The following PCDH15 variants were observed in gnomAD, a reference collection of about 807,000 sequenced individuals.
PCDH15 encodes the protein protocadherin-15.
A neutral mutation model predicts 178.5 loss-of-function variants in PCDH15; 129 were observed. The ratio of observed to expected loss-of-function variants is 0.72; its 90% CI spans 0.63 to 0.84. The LOEUF is 0.84. PCDH15 is among the 40% of genes least tolerant of loss of function. PCDH15 has a pLI of 0.00. For missense variants in PCDH15, 2,230 were observed against 2,099.9 expected, an observed-to-expected ratio of 1.06 and a Z score of -1.21; for synonymous variants, 800 against 732.0, an observed-to-expected ratio of 1.09 and a Z score of -1.50.
At chr10:55,481,496 A>G (rs191816054) in intron 2 of PCDH15, among the ~76,000 whole-genome samples, 170 of 151,546 alleles carry the variant, frequency 1.1e-3, no homozygotes, top group Middle Eastern at 6.8e-3. Flanking sequence ...CCTCTTAACA[A>G]TATCTTAACT....
chr10:54,582,535 C>G (rs1044077089), intron 2 of PCDH15, among the ~76,000 whole-genome samples: 7 of 152,026 alleles, frequency 4.6e-5, no homozygotes, highest in Non-Finnish European at 8.8e-5. Flanking sequence ...TATATGCAAA[C>G]AAAACGGTAG....
At chr10:54,066,632 T>G (rs1363670580) in intron 18 of PCDH15, 125 bp downstream of exon 18, 4 of 884,352 alleles carry the variant, frequency 4.5e-6, no homozygotes, top group Non-Finnish European at 6.9e-6. Flanking sequence ...TTTAAAGTCT[T>G]GAAGAATATC....
At chr10:54,953,161 G>A (rs374665748) in intron 2 of PCDH15, among the ~76,000 whole-genome samples, 1 of 151,354 alleles carries the variant, frequency 6.6e-6, no homozygotes, top group Admixed American at 6.6e-5. Context: ...TTATTTTGTA[G>A]ATGTTTTTTA....
chr10:55,498,445 T>C (rs1321386971), intron 2 of PCDH15, among the ~76,000 whole-genome samples: 1 of 151,874 alleles, frequency 6.6e-6, no homozygotes, highest in Non-Finnish European at 1.5e-5. Flanking sequence ...AATAAAAAAC[T>C]GTTCAAGTGA....
intron 3 of PCDH15, among the ~76,000 whole-genome samples, chr10:54,522,398 A>T (rs558696305): frequency 5.0e-4 from 76 of 152,340 alleles, no homozygotes; most frequent in African/African-American, 1.8e-3. Flanking sequence ...TCTTAAACTT[A>T]TCAGCATATT....
rs556547134 is a variant in PCDH15, at chr10:53,983,818, T to C, written c.2868+11831A>G. 2.6e-5 allele frequency among the ~76,000 whole-genome samples: 4 copies of C among 152,310 alleles called. No homozygotes were observed. The South Asian group carries it at 8.3e-4, about 32-fold the overall frequency. ...TAGAGATGAACCTTATCTGAGCTAG[T>C]AATTAGTGACCCTATATTCTATGCC... On this transcript the variant is annotated intron_variant, in intron 21 of 37. Transcript: ENST00000644397.
In PCDH15 at chr10:55,216,079, T is replaced by C. The variant is rs185401371; in HGVS notation, c.-155-49428A>G. Reference sequence around the variant, plus strand: ...GAATTTATCTGTGCCAATTTTTCCTTACATGTAAAATATATTAATGCTCAC... The same window carrying C: ...GAATTTATCTGTGCCAATTTTTCCTCACATGTAAAATATATTAATGCTCAC... On this transcript the variant is annotated intron_variant, in intron 1 of 5. Transcript: ENST00000458638. Among the ~76,000 whole-genome samples, 97 of 151,980 alleles carry C rather than the reference T, an allele frequency of 6.4e-4. 1 individual carries two copies. The highest frequency in any genetic ancestry group is 2.2e-3 in the African/African-American group (93 of 41,444).
chr10:54,905,355 C>T (rs949693080), intron 2 of PCDH15, among the ~76,000 whole-genome samples: 47 of 152,068 alleles, frequency 3.1e-4, no homozygotes, highest in African/African-American at 5.3e-4. Flanking sequence ...GTATTTATTT[C>T]GCTGAAATGT....
At position 54,004,396 on chromosome 10, in the gene PCDH15, T is replaced by TACAC. The variant is rs199816870; in HGVS notation, c.2752-8635_2752-8632dup. On this transcript the variant is annotated intron_variant, in intron 20 of 37. Coordinates refer to ENST00000644397, the MANE Select transcript of PCDH15 (RefSeq NM_001384140.1). ...CTAACACTTGGAAAAACCTAAAGAC[T>TACAC]ACACACACACACACACACACACACA... Among the ~76,000 whole-genome samples the TACAC allele has an allele frequency of 1.3e-3, 96 of 72,900 alleles. 1 individual carries two copies. The highest frequency in any genetic ancestry group is 9.8e-3 in the Admixed American group (80 of 8,130). 47.8% of individuals were successfully genotyped at this position (72,900 alleles called of 152,430 possible).
At chr10:55,077,460 C>CTTCCTTTCCTTCCTTCT (rs1564777378) in intron 2 of PCDH15, among the ~76,000 whole-genome samples, 4 of 141,628 alleles carry the variant, frequency 2.8e-5, no homozygotes, top group Admixed American at 7.2e-5. Context: ...CCCTTCCTTC[C>CTTCCTTTCCTTCCTTCT]TTCCTTTCCT....
At chr10:54,477,020 C>G (rs1315782818) in intron 3 of PCDH15, among the ~76,000 whole-genome samples, 1 of 152,068 alleles carries the variant, frequency 6.6e-6, no homozygotes, top group Non-Finnish European at 1.5e-5. Flanking sequence ...TTAATCCATT[C>G]TCCTTAGTGC....
At chr10:54,296,055 G>A (rs2059749265) in intron 8 of PCDH15, among the ~76,000 whole-genome samples, 1 of 145,514 alleles carries the variant, frequency 6.9e-6, no homozygotes, top group Admixed American at 7.0e-5. Flanking sequence ...TGAGGCAGGA[G>A]AATGGCGTGA....
intron 8 of PCDH15, among the ~76,000 whole-genome samples, chr10:54,238,421 T>C (rs1227996197): frequency 6.6e-6 from 1 of 152,028 alleles, no homozygotes; most frequent in Admixed American, 6.6e-5. Context: ...ATAGACATTG[T>C]ATGGGGTTTC....
At chr10:54,765,041 A>G (rs1948343424) in intron 1 of PCDH15, among the ~76,000 whole-genome samples, 1 of 152,194 alleles carries the variant, frequency 6.6e-6, no homozygotes, top group Non-Finnish European at 1.5e-5. Flanking sequence ...ATGACATACA[A>G]CATTTGTTTG....
intron 2 of PCDH15, among the ~76,000 whole-genome samples, chr10:55,144,098 G>C (rs1838429538): frequency 6.6e-6 from 1 of 151,922 alleles, no homozygotes; most frequent in Non-Finnish European, 1.5e-5. Flanking sequence ...CATGTCAGAA[G>C]ATGTTGCTAT....
chr10:54,360,685 T>A (rs2134482628), intron 5 of PCDH15, among the ~76,000 whole-genome samples: 1 of 152,266 alleles, frequency 6.6e-6, no homozygotes, highest in South Asian at 2.1e-4. Flanking sequence ...CATTGAATTT[T>A]GATCCTACAT....
At chr10:54,539,408 T>TTCAA (rs1244138464) in intron 2 of PCDH15, among the ~76,000 whole-genome samples, 5 of 151,656 alleles carry the variant, frequency 3.3e-5, no homozygotes, top group Admixed American at 3.3e-4. Flanking sequence ...TGATAAAGGG[T>TTCAA]TCAATTCAAA....
chr10:53,870,417 C>G (rs997121571), intron 26 of PCDH15, among the ~76,000 whole-genome samples: 3 of 151,842 alleles, frequency 2.0e-5, no homozygotes, highest in Non-Finnish European at 4.4e-5. Flanking sequence ...AAATAAAACC[C>G]TATTGTCATA....
At chr10:55,480,249 T>C (rs918506910) in intron 2 of PCDH15, among the ~76,000 whole-genome samples, 2 of 151,768 alleles carry the variant, frequency 1.3e-5, no homozygotes, top group Non-Finnish European at 2.9e-5. Context: ...TGAGGTTTTC[T>C]AGATATAGGA....
Sources: gnomAD v4.1 joint callset for allele counts (sites outside exome capture counted in the v4.1 genomes callset) on GRCh38, gnomAD v4.1.1 for gene constraint, MANE v1.5 for transcripts, NCBI Gene and HGNC (gene_info 2026-07-23, HGNC 2026-07-21) for gene names.